Variants in FNBP4 observed in about 807,000 individuals in gnomAD.
FNBP4 encodes formin binding protein 4, also known as formin-binding protein 4.
In FNBP4, 34 loss-of-function variants were observed where a neutral mutation model predicts 119.3. That is an observed-to-expected ratio of 0.28 (90% confidence interval 0.22 to 0.38). The LOEUF (loss-of-function observed/expected upper bound fraction) is 0.38. FNBP4 is among the 10% of genes least tolerant of loss of function. FNBP4 has a pLI of 1.00. For synonymous variants in FNBP4, 462 were observed against 430.6 expected (o/e 1.07, Z -0.90); for missense variants, 1,112 against 1,228.9 (o/e 0.90, Z 1.42).
At position 47,724,102 on chromosome 11, in the gene FNBP4, C is replaced by T. The variant is rs1167886850; in HGVS notation, c.2390G>A (p.Ser797Asn). 11 of 1,614,094 alleles carry T rather than the reference C, an allele frequency of 6.8e-6. No individual in the cohort carries two copies. Among genetic ancestry groups the T allele is most frequent in the African/African-American group, 1.3e-5 (1 of 74,940 alleles). The part of the protein sequence containing the change: ...KGIKRKATEI[S>N]TAVVQRSATI... ...AGCTGACCTCTGAACCACTGCAGTGCTAATTTCTGTAGCTTTCCTCTTTAT... is the reference window on the plus strand; with the variant it reads ...AGCTGACCTCTGAACCACTGCAGTGTTAATTTCTGTAGCTTTCCTCTTTAT... The change falls in exon 14 of 17, where the codon AGC becomes AAC. Residue 797 changes from serine (S) to asparagine (N), a missense_variant. Ser to Asn is a conservative substitution (Grantham distance 46). Transcript: ENST00000263773.
chr11:47,729,454 A>G, intron 12 of FNBP4: 6 of 985,374 alleles, frequency 6.1e-6, no homozygotes, highest in Non-Finnish European at 7.2e-6. Flanking sequence ...TGACTTAGAA[A>G]AATAAATAGA....
At chr11:47,724,853 T>C (rs1374935976) in intron 12 of FNBP4, 75 bp from the exon 13 acceptor site, 2 of 1,499,394 alleles carry the variant, frequency 1.3e-6, no homozygotes, top group Non-Finnish European at 1.8e-6. Flanking sequence ...AATGTTCAAC[T>C]GGTCAGTAAG....
In FNBP4 at chr11:47,759,076, C is replaced by T. The variant is rs141639593; in HGVS notation, c.314-4412G>A. On this transcript the variant is annotated intron_variant, in intron 2 of 16. Transcript: ENST00000263773. ...TAGGATTAACAGGCGCACGCCACCA[C>T]GACCTGCTAATTTTCGTACTTTTAG... 8.2e-3 allele frequency among the ~76,000 whole-genome samples: 1,239 copies of T among 151,922 alleles called. 20 individuals are homozygous for T. Among genetic ancestry groups the T allele is most frequent in the African/African-American group, 0.028 (1,165 of 41,450 alleles).
Position 47,736,696 on chromosome 11 carries a change from T to C in FNBP4, c.1501A>G (p.Lys501Glu). Residue 501 changes from lysine (K) to glutamate (E), a missense_variant, in exon 9 of 17, where the codon AAA becomes GAA. Physicochemically the swap from Lys to Glu is moderately conservative, Grantham distance 56 (BLOSUM62 1). Transcript: ENST00000263773. Reference protein sequence around the residue: ...NSEKIDENSDKEMEVEESPEK... With the variant: ...NSEKIDENSDEEMEVEESPEK... ...GGAGATTCTTCTACTTCCATCTCTT[T>C]ATCTGAATTCTCATCTATTTTTTCT... 3 of 1,604,800 alleles carry C rather than the reference T, an allele frequency of 1.9e-6. No homozygotes were observed. Among genetic ancestry groups the C allele is most frequent in the Non-Finnish European group, 2.6e-6 (3 of 1,172,964 alleles).
At chr11:47,739,961 TTTG>T (rs2097579565) in intron 8 of FNBP4, among the ~76,000 whole-genome samples, 1 of 27,298 alleles carries the variant, frequency 3.7e-5, no homozygotes, top group Non-Finnish European at 7.2e-5. Context: ...TGTATTTTTG[TTTG>T]TTTGTTTGTT....
chr11:47,761,683 C>G (rs959033981), intron 2 of FNBP4, among the ~76,000 whole-genome samples: 8 of 151,774 alleles, frequency 5.3e-5, no homozygotes, highest in African/African-American at 1.9e-4. Context: ...TTTGGGAGGC[C>G]AAGGAAGGAG....
At chr11:47,761,570 C>T (rs901746706) in intron 2 of FNBP4, among the ~76,000 whole-genome samples, 2 of 149,442 alleles carry the variant, frequency 1.3e-5, no homozygotes, top group South Asian at 2.2e-4. Context: ...CCAGCCTGGG[C>T]GACAGAACAA....
Position 47,724,430 on chromosome 11 carries a change from C to A in FNBP4, c.2319+38G>T, listed in dbSNP as rs1318865099. 2.5e-6 allele frequency: 4 copies of A among 1,613,594 alleles called. No individual in the cohort carries two copies. The South Asian group carries it at 4.4e-5, about 18-fold the overall frequency. On this transcript the variant is annotated intron_variant, in intron 13 of 16. Transcript: ENST00000263773. The stretch of plus-strand genomic sequence containing the variant: ...AACATGGTGTCAATCATGTTCCAGT[C>A]CTCAAAATCACTCAGAATGCCAAAG...
intron 2 of FNBP4, among the ~76,000 whole-genome samples, chr11:47,756,243 T>C (rs911670299): frequency 2.0e-5 from 3 of 152,140 alleles, no homozygotes; most frequent in South Asian, 4.1e-4. Context: ...ATATAATACA[T>C]AGAGTATTAT....
intron 7 of FNBP4, 140 bp downstream of exon 7, chr11:47,745,916 T>C: frequency 1.4e-6 from 1 of 702,508 alleles, no homozygotes; most frequent in East Asian, 2.8e-5. Flanking sequence ...GTTTAAAGTT[T>C]TTGCTGCATA....
At chr11:47,751,665 C>A (rs1199435844) in intron 4 of FNBP4, among the ~76,000 whole-genome samples, 1 of 151,894 alleles carries the variant, frequency 6.6e-6, no homozygotes, top group African/African-American at 2.4e-5. Context: ...TAAAAAAAAA[C>A]AGTTTGGCCG....
At chr11:47,755,060 G>A (rs2097613672) in intron 2 of FNBP4, among the ~76,000 whole-genome samples, 1 of 151,696 alleles carries the variant, frequency 6.6e-6, no homozygotes, top group African/African-American at 2.4e-5. Context: ...CTTGAACCTG[G>A]GAGGCAGAGG....
chr11:47,724,819 A>G (rs1565122479), intron 12 of FNBP4, 41 bp from the exon 13 acceptor site: 2 of 1,518,208 alleles, frequency 1.3e-6, no homozygotes, highest in Non-Finnish European at 1.8e-6. Flanking sequence ...GCAAGAAAAA[A>G]ACTCCCTGGC....
intron 9 of FNBP4, among the ~76,000 whole-genome samples, chr11:47,734,695 C>A (rs2097571575): frequency 6.6e-6 from 1 of 152,012 alleles, no homozygotes. Flanking sequence ...AATTTTGGGG[C>A]TGGGTGTGGT....
intron 8 of FNBP4, among the ~76,000 whole-genome samples, chr11:47,740,811 C>T (rs553973078): frequency 7.3e-5 from 11 of 151,612 alleles, no homozygotes; most frequent in East Asian, 3.9e-4. Flanking sequence ...AAGATGGTCT[C>T]GATCTCCTGA....
chr11:47,725,428 T>C (rs1462439264), intron 12 of FNBP4: 1 of 152,242 alleles, frequency 6.6e-6, no homozygotes, highest in East Asian at 1.9e-4. Flanking sequence ...CTGTCAACTA[T>C]ATCATTCCTT....
chr11:47,763,039 G>A (rs1178307250), intron 2 of FNBP4, among the ~76,000 whole-genome samples: 3 of 151,228 alleles, frequency 2.0e-5, no homozygotes, highest in African/African-American at 7.3e-5. Context: ...TTTCAGGGGC[G>A]TTAAAAACTA....
At chr11:47,766,998 T>C (rs1351265775) in intron 1 of FNBP4, 71 bp downstream of exon 1, 5 of 1,467,562 alleles carry the variant, frequency 3.4e-6, no homozygotes, top group Non-Finnish European at 4.5e-6. Context: ...TCGCCGGGTC[T>C]GGCCAGGCGC....
chr11:47,762,407 G>A (rs973213196), intron 2 of FNBP4, among the ~76,000 whole-genome samples: 2 of 151,980 alleles, frequency 1.3e-5, no homozygotes, highest in African/African-American at 2.4e-5. Flanking sequence ...AATTACACGC[G>A]TGAACCACCG....
Sources: allele counts gnomAD v4.1 joint callset (sites outside exome capture counted in the v4.1 genomes callset), GRCh38; gene constraint gnomAD v4.1.1; transcripts MANE v1.5; gene names NCBI Gene and HGNC (gene_info 2026-07-23, HGNC 2026-07-21).